TRIM44: variants seen among roughly 807,000 people sequenced by gnomAD.
TRIM44 encodes the protein tripartite motif containing 44, also known as tripartite motif-containing protein 44.
A neutral mutation model predicts 37.4 loss-of-function variants in TRIM44; 13 were observed. That is an observed-to-expected ratio of 0.35 (90% CI 0.23 to 0.55). The LOEUF (loss-of-function observed/expected upper bound fraction) is 0.55, where lower values mean the gene tolerates loss of function less well. Ranked by LOEUF, TRIM44 falls within the 20% of genes least tolerant of loss-of-function variation. TRIM44 has a pLI of 0.89. For synonymous variants in TRIM44, 175 were observed against 157.2 expected (o/e 1.11, Z -0.85); for missense variants, 426 against 437.2 (o/e 0.97, Z 0.23).
intron 3 of TRIM44, among the ~76,000 whole-genome samples, chr11:35,729,511 C>G (rs1021101066): frequency 2.0e-5 from 3 of 152,150 alleles, no homozygotes; most frequent in East Asian, 1.9e-4. Context: ...ACTCCTCCCT[C>G]TCACCCCTGC....
chr11:35,677,150 A>G (rs1341871553), intron 1 of TRIM44, among the ~76,000 whole-genome samples: 1 of 152,212 alleles, frequency 6.6e-6, no homozygotes, highest in African/African-American at 2.4e-5. Flanking sequence ...TTTTGCTGAC[A>G]GTTACTTAGC....
chr11:35,817,700 G>A lies in TRIM44; in HGVS notation c.*11315G>A, dbSNP rs116911367. 1,556 of 152,340 alleles carry A rather than the reference G, an allele frequency of 0.01. 12 individuals carry two copies. The highest frequency in any genetic ancestry group is 0.017 in the Non-Finnish European group (1,148 of 68,030). The allele number at this position is 152,340 out of a possible 1,614,324, so 9.4% of individuals were successfully genotyped here. On this transcript the variant is annotated 3_prime_UTR_variant, in exon 5 of 5. Transcript: ENST00000299413. Reference sequence around the variant, plus strand: ...CCCCACCCAAATCTCATGTTGAAATGTAATCCCCAATGCTGGAGGTGGGAC... The same window carrying A: ...CCCCACCCAAATCTCATGTTGAAATATAATCCCCAATGCTGGAGGTGGGAC...
At chr11:35,734,554 A>T (rs1852306448) in intron 3 of TRIM44, among the ~76,000 whole-genome samples, 1 of 152,186 alleles carries the variant, frequency 6.6e-6, no homozygotes, top group South Asian at 2.1e-4. Flanking sequence ...CTCTATTGAG[A>T]CTACCCTTCA....
Position 35,663,108 on chromosome 11 carries a change from C to T in TRIM44, c.-4C>T, listed in dbSNP as rs1851289537. 1 of 1,504,808 alleles carries T rather than the reference C, an allele frequency of 6.6e-7. No individual in the cohort carries two copies. Among genetic ancestry groups the T allele is most frequent in the South Asian group, 1.3e-5 (1 of 74,750 alleles). The allele number at this position is 1,504,808 out of a possible 1,614,324, so 93.2% of individuals were successfully genotyped here. On this transcript the variant is annotated 5_prime_UTR_variant, in exon 1 of 5. Transcript: ENST00000299413. Reference sequence around the variant, plus strand: ...CGAGGCCTTGGCCGCGTCACAGCACCCACATGGCCTCTGGAGTGGGCGCGG... The same window carrying T: ...CGAGGCCTTGGCCGCGTCACAGCACTCACATGGCCTCTGGAGTGGGCGCGG...
rs187170631 is a variant in TRIM44, at chr11:35,754,751, G to A, written c.1007+19306G>A. Among the ~76,000 whole-genome samples the A allele has an allele frequency of 6.8e-3, 1,030 of 150,480 alleles. 10 individuals are homozygous for A. The highest frequency in any genetic ancestry group is 0.021 in the African/African-American group (877 of 40,858). ...TTCCCACCTATGAGTGAGAACATGC[G>A]GTGTTTGGTTTTTTGTTCTTGCAAT... On this transcript the variant is annotated intron_variant, in intron 4 of 4. Transcript: ENST00000299413.
intron 4 of TRIM44, among the ~76,000 whole-genome samples, chr11:35,755,786 C>G (rs561584835): frequency 7.1e-4 from 108 of 152,178 alleles, no homozygotes; most frequent in African/African-American, 2.5e-3. Context: ...GCTTGTTTTT[C>G]TCAGGTTTGT....
intron 4 of TRIM44, among the ~76,000 whole-genome samples, chr11:35,773,507 A>G (rs922262660): frequency 1.3e-5 from 2 of 152,200 alleles, no homozygotes; most frequent in Admixed American, 1.3e-4. Context: ...GTTCTAGGGT[A>G]CATGTGCATA....
intron 4 of TRIM44, among the ~76,000 whole-genome samples, chr11:35,743,793 A>T (rs1208938554): frequency 6.6e-6 from 1 of 152,162 alleles, no homozygotes; most frequent in Non-Finnish European, 1.5e-5. Flanking sequence ...AGCAAATTTT[A>T]TGCTAATCTG....
chr11:35,788,853 A>G (rs1565028941), intron 4 of TRIM44, among the ~76,000 whole-genome samples: 1 of 152,236 alleles, frequency 6.6e-6, no homozygotes, highest in Non-Finnish European at 1.5e-5. Context: ...TGGGAAGGAC[A>G]TAAGCTTTCT....
intron 4 of TRIM44, among the ~76,000 whole-genome samples, chr11:35,790,371 A>G (rs763210399): frequency 3.9e-5 from 6 of 152,180 alleles, no homozygotes; most frequent in Non-Finnish European, 8.8e-5. Flanking sequence ...GAAAGTGGCA[A>G]AGGCCTTGCT....
intron 4 of TRIM44, among the ~76,000 whole-genome samples, chr11:35,778,349 C>T (rs183594331): frequency 2.6e-5 from 4 of 152,232 alleles, no homozygotes; most frequent in African/African-American, 9.6e-5. Context: ...TTCAGTTAGT[C>T]ATTCATCTAA....
intron 1 of TRIM44, among the ~76,000 whole-genome samples, chr11:35,676,130 T>C (rs1381888758): frequency 5.3e-5 from 8 of 152,334 alleles, no homozygotes; most frequent in African/African-American, 1.9e-4. Context: ...AGTCTTGGTT[T>C]CTTCTTCTGT....
chr11:35,726,350 C>T (rs922261599), intron 3 of TRIM44, among the ~76,000 whole-genome samples, 187 bp downstream of exon 3: 23 of 152,162 alleles, frequency 1.5e-4, no homozygotes, highest in African/African-American at 7.2e-5. Flanking sequence ...CTGGGCCTAC[C>T]AAATTATTTA....
intron 1 of TRIM44, among the ~76,000 whole-genome samples, chr11:35,672,812 T>C (rs1851413183): frequency 6.6e-6 from 1 of 152,234 alleles, no homozygotes; most frequent in Admixed American, 6.5e-5. Flanking sequence ...TTTTTTACTT[T>C]TTATTCTTGC....
intron 3 of TRIM44, among the ~76,000 whole-genome samples, chr11:35,733,476 G>T (rs1468479615): frequency 6.6e-6 from 1 of 151,816 alleles, no homozygotes; most frequent in Non-Finnish European, 1.5e-5. Context: ...CTTTTTATTG[G>T]TATATTATAG....
intron 4 of TRIM44, among the ~76,000 whole-genome samples, chr11:35,766,978 T>G (rs1852806185): frequency 6.6e-6 from 1 of 152,216 alleles, no homozygotes; most frequent in African/African-American, 2.4e-5. Flanking sequence ...CATGAAGTAC[T>G]AAGGAATAGA....
chr11:35,752,691 A>G (rs1852573866), intron 4 of TRIM44, among the ~76,000 whole-genome samples: 1 of 151,986 alleles, frequency 6.6e-6, no homozygotes, highest in Admixed American at 6.6e-5. Context: ...CCTTAGCCAT[A>G]TTGCTTTCTT....
chr11:35,713,502 CTTT>C (rs34352321), intron 2 of TRIM44, among the ~76,000 whole-genome samples: 11 of 140,084 alleles, frequency 7.9e-5, no homozygotes, highest in Non-Finnish European at 7.8e-5. Context: ...ATATGACATG[CTTT>C]TTTTTTTTTT....
intron 4 of TRIM44, among the ~76,000 whole-genome samples, chr11:35,746,311 A>G (rs1852489957): frequency 1.3e-5 from 2 of 152,160 alleles, no homozygotes; most frequent in Admixed American, 1.3e-4. Flanking sequence ...CAGCCACAGC[A>G]AAATTGGTGG....
Sources: allele counts gnomAD v4.1 joint callset (sites outside exome capture counted in the v4.1 genomes callset), GRCh38; gene constraint gnomAD v4.1.1; transcripts MANE v1.5; gene names NCBI Gene and HGNC (gene_info 2026-07-23, HGNC 2026-07-21).